Variants in ABI3BP observed in about 807,000 individuals in gnomAD.
The protein encoded by ABI3BP is ABI family member 3 binding protein.
A neutral mutation model predicts 268.6 loss-of-function variants in ABI3BP; 216 were observed. That is an observed-to-expected ratio of 0.80 (90% CI 0.72 to 0.90). The LOEUF (loss-of-function observed/expected upper bound fraction) is 0.90. ABI3BP is among the 40% of genes least tolerant of loss of function. The probability of loss-of-function intolerance (pLI) is 0.00; values close to 1 mark genes in which losing one functional copy is unlikely to be tolerated. For synonymous variants in ABI3BP, 730 were observed against 730.0 expected (o/e 1.00, Z 0.00); for missense variants, 2,090 against 2,182.4 (o/e 0.96, Z 0.84).
At chr3:100,920,699 G>T (rs1426801847) in intron 2 of ABI3BP, among the ~76,000 whole-genome samples, 1 of 152,134 alleles carries the variant, frequency 6.6e-6, no homozygotes, top group Non-Finnish European at 1.5e-5. Context: ...GGGATTACAG[G>T]CATGAGCCAC....
intron 14 of ABI3BP, among the ~76,000 whole-genome samples, chr3:100,859,250 A>G (rs894088543): frequency 6.6e-6 from 1 of 152,068 alleles, no homozygotes; most frequent in Non-Finnish European, 1.5e-5. Flanking sequence ...CCCAACAGAG[A>G]AAACAGAATG....
intron 13 of ABI3BP, 66 bp downstream of exon 13, chr3:100,862,772 G>A: frequency 2.7e-6 from 3 of 1,092,462 alleles, no homozygotes; most frequent in Non-Finnish European, 3.9e-6. Context: ...TGCAGTAAAT[G>A]TGTCCTGCAG....
rs369699759 is a variant in ABI3BP at position 100,817,836 on chromosome 3, A to G, written c.3089-341T>C. Among the ~76,000 whole-genome samples, 124 of 152,314 alleles carry G rather than the reference A, an allele frequency of 8.1e-4. 1 individual carries two copies. The highest frequency in any genetic ancestry group is 2.7e-3 in the African/African-American group (112 of 41,580). ...CGTTTATCAGTCTACTTGCACTTCT[A>G]TAGAAGTTGGGATAAATATCTTGTT... On this transcript the variant is annotated intron_variant, in intron 41 of 67. Transcript: ENST00000471714.
chr3:100,784,541 G>A (rs1023398302), intron 57 of ABI3BP, among the ~76,000 whole-genome samples: 1 of 152,102 alleles, frequency 6.6e-6, no homozygotes, highest in Non-Finnish European at 1.5e-5. Flanking sequence ...TCTACTTAGA[G>A]GAAAATAAGT....
At chr3:100,915,080 C>A (rs1041003351) in intron 2 of ABI3BP, among the ~76,000 whole-genome samples, 2 of 152,080 alleles carry the variant, frequency 1.3e-5, no homozygotes, top group Non-Finnish European at 2.9e-5. Context: ...TGTCTTGACC[C>A]ATCATAATGT....
chr3:100,914,484 G>C, intron 2 of ABI3BP: 1 of 454,614 alleles, frequency 2.2e-6, no homozygotes, highest in Non-Finnish European at 4.4e-6. Flanking sequence ...AGGAACAGCA[G>C]CCACTGCTGG....
chr3:100,832,989 C>A, intron 30 of ABI3BP, 136 bp downstream of exon 30: 1 of 735,054 alleles, frequency 1.4e-6, no homozygotes, highest in Non-Finnish European at 2.1e-6. Context: ...CTTTAAAAAG[C>A]AAGCTTTCCA....
At chr3:100,962,263 G>A (rs567772561) in intron 1 of ABI3BP, among the ~76,000 whole-genome samples, 16 of 152,152 alleles carry the variant, frequency 1.1e-4, no homozygotes, top group African/African-American at 3.6e-4. Context: ...ACCTGTCTAC[G>A]TCAGCACCCA....
At chr3:100,766,785 A>C (rs769630349) in intron 62 of ABI3BP, among the ~76,000 whole-genome samples, 129 of 152,210 alleles carry the variant, frequency 8.5e-4, no homozygotes, top group Admixed American at 3.3e-4. Context: ...AAAAAGAACC[A>C]AAAACCCAAA....
At chr3:100,801,425 C>CAAAAAAAAAA (rs68171311) in intron 51 of ABI3BP, among the ~76,000 whole-genome samples, 1 of 87,482 alleles carries the variant, frequency 1.1e-5, no homozygotes, top group Non-Finnish European at 2.5e-5. Context: ...GATATCCTGT[C>CAAAAAAAAAA]AAAAAAAAAA....
At chr3:100,905,251 G>A (rs1035125281) in intron 2 of ABI3BP, among the ~76,000 whole-genome samples, 2 of 152,070 alleles carry the variant, frequency 1.3e-5, no homozygotes, top group Admixed American at 1.3e-4. Context: ...TCACACACCG[G>A]GGCCTGTTGT....
At chr3:100,848,185 A>G (rs934839855) in intron 18 of ABI3BP, among the ~76,000 whole-genome samples, 5 of 152,176 alleles carry the variant, frequency 3.3e-5, no homozygotes, top group Non-Finnish European at 7.3e-5. Flanking sequence ...TCTCTAACTC[A>G]GCCATTGCCC....
chr3:100,905,782 T>C (rs1184614757), intron 2 of ABI3BP, among the ~76,000 whole-genome samples: 2 of 152,138 alleles, frequency 1.3e-5, no homozygotes, highest in East Asian at 1.9e-4. Context: ...GATTGAACAA[T>C]ATAAAGATAT....
chr3:100,908,880 C>T (rs2054839590), intron 2 of ABI3BP, among the ~76,000 whole-genome samples: 1 of 152,202 alleles, frequency 6.6e-6, no homozygotes, highest in African/African-American at 2.4e-5. Flanking sequence ...CTACCATTGA[C>T]TTTCTTCACG....
Position 100,989,755 on chromosome 3 carries a change from C to G in ABI3BP, c.79+3551G>C, listed in dbSNP as rs193027842. On this transcript the variant is annotated intron_variant, in intron 1 of 67. Coordinates refer to ENST00000471714, the MANE Select transcript of ABI3BP (RefSeq NM_001375547.2). ...CTCCCACTATAAGATTTTGTTGGCTCCTTTCATTACATATTGTTCTCACTG... is the reference window on the plus strand; with the variant it reads ...CTCCCACTATAAGATTTTGTTGGCTGCTTTCATTACATATTGTTCTCACTG... Among the ~76,000 whole-genome samples, 10 of 152,294 alleles carry G rather than the reference C, an allele frequency of 6.6e-5. No homozygotes were observed. In the East Asian group the frequency reaches 1.9e-3, roughly 29 times the overall value.
Position 100,811,757 on chromosome 3 carries a change from G to C in ABI3BP, c.3464C>G (p.Pro1155Arg). 1 of 1,535,530 alleles carries C rather than the reference G, an allele frequency of 6.5e-7. No individual in the cohort carries two copies. Among genetic ancestry groups the C allele is most frequent in the South Asian group, 1.2e-5 (1 of 84,038 alleles). Residue 1155 changes from proline to arginine, a missense_variant, in exon 47 of 68, where the codon CCA becomes CGA. Coordinates refer to ENST00000471714, the MANE Select transcript of ABI3BP (RefSeq NM_001375547.2). ...TDYVYPTAKA[P>R]LWPEEPKTEV... is the part of the protein sequence containing the mutation. Reference sequence around the variant, plus strand: ...AGTCTTTGGCTCCTCTGGCCAGAGTGGTGCTTTGGCAGTGGGATATACATA... The same window carrying C: ...AGTCTTTGGCTCCTCTGGCCAGAGTCGTGCTTTGGCAGTGGGATATACATA...
chr3:100,803,314 G>A (rs1458572181), intron 51 of ABI3BP, among the ~76,000 whole-genome samples: 4 of 143,906 alleles, frequency 2.8e-5, no homozygotes, highest in Admixed American at 1.4e-4. Context: ...GTAGAATTAA[G>A]GCAAGTTTTT....
At chr3:100,939,916 C>T (rs962982250) in intron 1 of ABI3BP, among the ~76,000 whole-genome samples, 5 of 152,088 alleles carry the variant, frequency 3.3e-5, no homozygotes, top group African/African-American at 9.6e-5. Context: ...TACCCCCAGG[C>T]GCATATTCTC....
intron 2 of ABI3BP, among the ~76,000 whole-genome samples, chr3:100,918,504 T>G (rs975876950): frequency 2.0e-5 from 3 of 152,020 alleles, no homozygotes; most frequent in African/African-American, 7.2e-5. Flanking sequence ...CAAATAGCAA[T>G]TGATTAACCT....
Sources: allele counts gnomAD v4.1 joint callset (sites outside exome capture counted in the v4.1 genomes callset), GRCh38; gene constraint gnomAD v4.1.1; transcripts MANE v1.5; gene names NCBI Gene and HGNC (gene_info 2026-07-23, HGNC 2026-07-21).